SCN7A: variants seen among roughly 807,000 people sequenced by gnomAD.
SCN7A encodes sodium voltage-gated channel alpha subunit 7.
Under a neutral mutation model 155.2 loss-of-function variants are expected in SCN7A, and 138 were observed. The observed-to-expected ratio is 0.89, with a 90% CI of 0.77 to 1.02. The LOEUF (loss-of-function observed/expected upper bound fraction) is 1.02, where lower values mean the gene tolerates loss of function less well. Among genes scored for constraint, SCN7A ranks in the 50% least tolerant of loss-of-function variants. The pLI, the probability that SCN7A is intolerant of heterozygous loss-of-function variation, is 0.00. For missense variants in SCN7A, 2,058 were observed against 1,986.6 expected, an observed-to-expected ratio of 1.04 and a Z score of -0.68; for synonymous variants, 693 against 649.0, an observed-to-expected ratio of 1.07 and a Z score of -1.03.
Position 166,477,685 on chromosome 2 carries a change from T to A in SCN7A, c.12A>T (p.Ser4=). Residue 4 remains serine, a synonymous_variant, in exon 3 of 26, where the codon TCA becomes TCT. Transcript: ENST00000643258. MLA[S]PEPKGLVPFT... is the part of the protein sequence containing the mutation. ...AGGGAACAAGGCCCTTAGGTTCTGG[T>A]GAAGCCAACATTTCCAATTTTGTAC... The A allele has an allele frequency of 4.5e-6, 7 of 1,559,660 alleles. No homozygotes were observed. Among genetic ancestry groups the A allele is most frequent in the Non-Finnish European group, 6.0e-6 (7 of 1,159,284 alleles).
Position 166,410,338 on chromosome 2 carries a change from AG to A in SCN7A, c.3607-15del, listed in dbSNP as rs1559085533. The A allele has an allele frequency of 6.7e-7, 1 of 1,501,620 alleles. No homozygotes were observed. The highest frequency in any genetic ancestry group is 9.0e-7 in the Non-Finnish European group (1 of 1,115,576). 93.0% of individuals were successfully genotyped at this position (1,501,620 alleles called of 1,614,324 possible). Reference sequence around the variant, plus strand: ...TGAGCCTCCCAGGTAAAGAAAGGAAAGAAAAATATATTAAAATCACACTTAA... The same window carrying A: ...TGAGCCTCCCAGGTAAAGAAAGGAAAAAAAATATATTAAAATCACACTTAA... On this transcript the variant is annotated splice_polypyrimidine_tract_variant and intron_variant, in intron 23 of 25. Transcript: ENST00000643258.
At chr2:166,447,025 G>C (rs1481707106) in intron 12 of SCN7A, among the ~76,000 whole-genome samples, 1 of 152,062 alleles carries the variant, frequency 6.6e-6, no homozygotes, top group African/African-American at 2.4e-5. Context: ...ATGTATCCCA[G>C]AACTTAAAGT....
chr2:166,415,206 G>C (rs1701348241), intron 21 of SCN7A, among the ~76,000 whole-genome samples: 1 of 147,000 alleles, frequency 6.8e-6, no homozygotes. Flanking sequence ...GGCAGAGACA[G>C]TATTTAACTT....
intron 11 of SCN7A, among the ~76,000 whole-genome samples, chr2:166,448,029 A>T (rs1702103534): frequency 6.6e-6 from 1 of 152,170 alleles, no homozygotes; most frequent in African/African-American, 2.4e-5. Flanking sequence ...GAGTCACTGT[A>T]CTATACTATT....
At position 166,409,793 on chromosome 2, in the gene SCN7A, C is replaced by A; in HGVS notation, c.3854G>T (p.Trp1285Leu). The change falls in exon 25 of 26, where the codon TGG becomes TTG. Residue 1285 changes from tryptophan (W) to leucine (L), a missense_variant. Physicochemically the swap from Trp to Leu is moderately conservative, Grantham distance 61 (BLOSUM62 -2). Coordinates refer to ENST00000643258, the MANE Select transcript of SCN7A (RefSeq NM_002976.4). ...QSLQMSIALY[W>L]INSIFVMLYT... ...TAGCATAACAAAAATTGAGTTAATC[C>A]AGTAGAGAGCAATGGACATTTGTAG... 1.9e-6 allele frequency: 3 copies of A among 1,571,730 alleles called. No individual in the cohort carries two copies. Among genetic ancestry groups the A allele is most frequent in the South Asian group, 1.2e-5 (1 of 85,802 alleles).
At chr2:166,409,026 A>G (rs1701138317) in intron 25 of SCN7A, among the ~76,000 whole-genome samples, 1 of 151,978 alleles carries the variant, frequency 6.6e-6, no homozygotes, top group Non-Finnish European at 1.5e-5. Context: ...CTTCCCTACC[A>G]TAACCTTAAT....
rs767006323 is a variant in SCN7A, at chr2:166,405,466, T to C, written c.*114A>G. 3.3e-4 allele frequency: 257 copies of C among 777,674 alleles called. No individual in the cohort carries two copies. The highest frequency in any genetic ancestry group is 4.8e-4 in the Non-Finnish European group (235 of 491,720). The allele number at this position is 777,674 out of a possible 1,614,324, so 48.2% of individuals were successfully genotyped here. A position where few individuals can be genotyped will look rare whatever the true frequency, so the allele number is the denominator to read the frequency against. Reference sequence around the variant, plus strand: ...TGAAGTCTTGTGAATACAAGCTTAATTACCATCGGTTGTAAAGAACTGATT... The same window carrying C: ...TGAAGTCTTGTGAATACAAGCTTAACTACCATCGGTTGTAAAGAACTGATT... On this transcript the variant is annotated 3_prime_UTR_variant, in exon 26 of 26. Transcript: ENST00000643258.
chr2:166,430,571 G>A (rs1392807641), intron 16 of SCN7A, among the ~76,000 whole-genome samples: 2 of 151,732 alleles, frequency 1.3e-5, no homozygotes, highest in Admixed American at 6.6e-5. Context: ...ATACCGGTGA[G>A]TAGGTATTTT....
Position 166,441,530 on chromosome 2 carries a change from A to G in SCN7A, c.2023T>C (p.Phe675Leu). 1 of 1,614,116 alleles carries G rather than the reference A, an allele frequency of 6.2e-7. No homozygotes were observed. Among genetic ancestry groups the G allele is most frequent in the Non-Finnish European group, 8.5e-7 (1 of 1,179,984 alleles). The change falls in exon 15 of 26, where the codon TTC becomes CTC. Residue 675 changes from phenylalanine to leucine, a missense_variant. Transcript: ENST00000643258. ...QLPRWHMHDF[F>L]HSFLNVFRIL... Reference sequence around the variant, plus strand: ...CGGAACACATTCAGGAAGGAGTGGAAAAAGTCATGCATGTGCCAGCGTGGG... The same window carrying G: ...CGGAACACATTCAGGAAGGAGTGGAGAAAGTCATGCATGTGCCAGCGTGGG...
chr2:166,458,664 C>T (rs1041499536), intron 10 of SCN7A, among the ~76,000 whole-genome samples: 7 of 151,974 alleles, frequency 4.6e-5, no homozygotes, highest in African/African-American at 1.4e-4. Context: ...TTTTATATGC[C>T]TACCTATACA....
intron 18 of SCN7A, among the ~76,000 whole-genome samples, chr2:166,423,954 A>G (rs1487357921): frequency 6.6e-6 from 1 of 152,132 alleles, no homozygotes; most frequent in Admixed American, 6.6e-5. Context: ...CTCAGTTTTA[A>G]TGTCAACCTT....
At chr2:166,480,950 T>G (rs1702912553) in intron 2 of SCN7A, among the ~76,000 whole-genome samples, 1 of 152,192 alleles carries the variant, frequency 6.6e-6, no homozygotes, top group Admixed American at 6.5e-5. Context: ...AGTAAGTCAT[T>G]TGTAAAATGT....
rs66783423 is a variant in SCN7A at position 166,439,055 on chromosome 2, G to GTATATATATATATA, written c.2157+2327_2157+2340dup. ...CACATACATATATGTGTGTGTGTGTGTATATATATATATATATATATATAG... is the reference window on the plus strand; with the variant it reads ...CACATACATATATGTGTGTGTGTGTGTATATATATATATATATATATATATATATATATATATAG... On this transcript the variant is annotated intron_variant, in intron 15 of 25. Coordinates refer to ENST00000643258, the MANE Select transcript of SCN7A (RefSeq NM_002976.4). 4.0e-3 allele frequency among the ~76,000 whole-genome samples: 455 copies of GTATATATATATATA among 113,368 alleles called. 8 individuals are homozygous for GTATATATATATATA. The highest frequency in any genetic ancestry group is 0.016 in the African/African-American group (432 of 26,574). 74.4% of individuals were successfully genotyped at this position (113,368 alleles called of 152,430 possible).
intron 15 of SCN7A, among the ~76,000 whole-genome samples, chr2:166,438,726 C>T (rs1432749366): frequency 6.6e-6 from 1 of 151,678 alleles, no homozygotes; most frequent in Non-Finnish European, 1.5e-5. Context: ...TACATTTTTC[C>T]CCCTTCTACT....
Position 166,409,673 on chromosome 2 carries a change from G to C in SCN7A, c.3974C>G (p.Ser1325Cys). The C allele has an allele frequency of 1.3e-6, 2 of 1,508,000 alleles. No individual in the cohort carries two copies. The highest frequency in any genetic ancestry group is 1.8e-6 in the Non-Finnish European group (2 of 1,131,162). The allele number at this position is 1,508,000 out of a possible 1,614,324, so 93.4% of individuals were successfully genotyped here. ...ACTAAACAAAATCTTACCTGTGATG[G>C]AGAAAATAACCACCATAAAATCAAA... The part of the protein sequence containing the change: ...NIFDFMVVIF[S>C]ITGLCLPMTV... The change falls in exon 25 of 26, where the codon TCC becomes TGC. Residue 1325 changes from serine to cysteine, a missense_variant. Physicochemically the swap from Ser to Cys is moderately radical, Grantham distance 112. Transcript: ENST00000643258.
intron 5 of SCN7A, among the ~76,000 whole-genome samples, chr2:166,472,737 T>G (rs1474882981): frequency 6.6e-6 from 1 of 151,894 alleles, no homozygotes; most frequent in African/African-American, 2.4e-5. Context: ...ATTTGACTTT[T>G]AAATTTTTTT....
In SCN7A at chr2:166,411,990, G is replaced by C. The variant is rs188492413; in HGVS notation, c.3606+540C>G. Among the ~76,000 whole-genome samples, 32 of 152,166 alleles carry C rather than the reference G, an allele frequency of 2.1e-4. 1 individual carries two copies. The East Asian group carries it at 5.6e-3, about 27-fold the overall frequency. ...CGTTTGTGGAGGCCCTGAAGAAGCTGCTTTTTAGAAATGGCATGAAACTGT... is the reference window on the plus strand; with the variant it reads ...CGTTTGTGGAGGCCCTGAAGAAGCTCCTTTTTAGAAATGGCATGAAACTGT... On this transcript the variant is annotated intron_variant, in intron 23 of 25. Coordinates refer to ENST00000643258, the MANE Select transcript of SCN7A (RefSeq NM_002976.4).
rs552306786 is a variant in SCN7A at position 166,407,917 on chromosome 2, T to C, written c.3983-1271A>G. Among the ~76,000 whole-genome samples, 6 of 152,022 alleles carry C rather than the reference T, an allele frequency of 3.9e-5. No homozygotes were observed. In the South Asian group the frequency reaches 1.2e-3, roughly 32 times the overall value. ...CCCTGGTGTGTGTTGTTCCCCTTTC[T>C]GTGTCCATGTGTTCTCATTGTTCAA... On this transcript the variant is annotated intron_variant, in intron 25 of 25. Coordinates refer to ENST00000643258, the MANE Select transcript of SCN7A (RefSeq NM_002976.4).
chr2:166,442,064 G>C (rs967946456), intron 14 of SCN7A, among the ~76,000 whole-genome samples: 1 of 151,804 alleles, frequency 6.6e-6, no homozygotes, highest in Non-Finnish European at 1.5e-5. Flanking sequence ...CTTTGTTTTT[G>C]CTTTTCAAAA....
Sources: allele counts gnomAD v4.1 joint callset (sites outside exome capture counted in the v4.1 genomes callset), GRCh38; gene constraint gnomAD v4.1.1; transcripts MANE v1.5; gene names NCBI Gene and HGNC (gene_info 2026-07-23, HGNC 2026-07-21).